Variants in RTL10 observed in about 807,000 individuals in gnomAD.
RTL10 encodes protein Bop.
For missense variants in RTL10, 477 were observed against 470.7 expected (o/e 1.01, Z -0.12); for synonymous variants, 199 against 188.4 (o/e 1.06, Z -0.46).
rs185475604 is a variant in RTL10 at position 19,848,714 on chromosome 22, C to A, written c.*2453G>T. On this transcript the variant is annotated 3_prime_UTR_variant, in exon 3 of 3. Transcript: ENST00000328554. ...GCTGCATGACTGGCCCTCAGACACA[C>A]GGCAGACCATAACTCACACACCCCC... The A allele has an allele frequency of 5.1e-6, 5 of 985,358 alleles. No individual in the cohort carries two copies. Among genetic ancestry groups the A allele is most frequent in the Non-Finnish European group, 6.0e-6 (5 of 829,984 alleles). 61.0% of individuals were successfully genotyped at this position (985,358 alleles called of 1,614,324 possible).
intron 2 of RTL10, among the ~76,000 whole-genome samples, chr22:19,853,549 G>C (rs1371193633): frequency 6.6e-6 from 1 of 152,134 alleles, no homozygotes; most frequent in African/African-American, 2.4e-5. Context: ...GGGAGCACAA[G>C]GCCTGCACAC....
In RTL10 at chr22:19,849,375, T is replaced by G. The variant is rs1030366447; in HGVS notation, c.*1792A>C. 6.9e-5 allele frequency: 60 copies of G among 870,410 alleles called. No individual in the cohort carries two copies. The highest frequency in any genetic ancestry group is 1.3e-4 in the East Asian group (1 of 7,730). 53.9% of individuals were successfully genotyped at this position (870,410 alleles called of 1,614,324 possible). Reference sequence around the variant, plus strand: ...AATAAGGTTTTTGTTTTTTGTTGTTTTTTTTTTTTTGGGATGGAGTTTCAC... The same window carrying G: ...AATAAGGTTTTTGTTTTTTGTTGTTGTTTTTTTTTTGGGATGGAGTTTCAC... On this transcript the variant is annotated 3_prime_UTR_variant, in exon 3 of 3. Transcript: ENST00000328554.
chr22:19,852,207 C>T lies in RTL10; in HGVS notation c.55G>A (p.Ala19Thr), dbSNP rs577471636. ...CATGGATGTGCGTTGGCATAATTGG[C>T]GGCTGCCCAGATGGGAATGCGAGGG... ...QGPRIPIWAA[A>T]NYANAHPWQQ... Residue 19 changes from alanine (A) to threonine (T), a missense_variant, in exon 3 of 3, where the codon GCC becomes ACC. Physicochemically the swap from Ala to Thr is moderately conservative, Grantham distance 58. Coordinates refer to ENST00000328554, the MANE Select transcript of RTL10 (RefSeq NM_024627.6). 50 of 1,613,472 alleles carry T rather than the reference C, an allele frequency of 3.1e-5. No individual in the cohort carries two copies. The highest frequency in any genetic ancestry group is 3.8e-5 in the Non-Finnish European group (45 of 1,179,942).
chr22:19,847,080 G>A lies in RTL10; in HGVS notation c.*4087C>T. ...TCCTATGGAACTCAGGTGTGGCTCT[G>A]TGGCTTCCTTTGGCCACAGAAATGG... is the stretch of plus-strand genomic sequence containing the variant. On this transcript the variant is annotated 3_prime_UTR_variant, in exon 3 of 3. Coordinates refer to ENST00000328554, the MANE Select transcript of RTL10 (RefSeq NM_024627.6). 1.0e-6 allele frequency: 1 copy of A among 985,444 alleles called. No individual in the cohort carries two copies. The highest frequency in any genetic ancestry group is 1.2e-6 in the Non-Finnish European group (1 of 829,944). The allele number at this position is 985,444 out of a possible 1,614,324, so 61.0% of individuals were successfully genotyped here.
rs576724385 is a variant in RTL10 at position 19,846,787 on chromosome 22, C to G, written c.*4380G>C. Reference sequence around the variant, plus strand: ...AGATGGCTATCTGCAGGCCAAGGAGCGAGGCCTCAGGAGAAACCAACCCTG... The same window carrying G: ...AGATGGCTATCTGCAGGCCAAGGAGGGAGGCCTCAGGAGAAACCAACCCTG... On this transcript the variant is annotated 3_prime_UTR_variant, in exon 3 of 3. Coordinates refer to ENST00000328554, the MANE Select transcript of RTL10 (RefSeq NM_024627.6). 2.2e-6 allele frequency: 1 copy of G among 448,908 alleles called. No individual in the cohort carries two copies. The highest frequency in any genetic ancestry group is 9.4e-5 in the South Asian group (1 of 10,680). The allele number at this position is 448,908 out of a possible 1,614,324, so 27.8% of individuals were successfully genotyped here. A position where few individuals can be genotyped will look rare whatever the true frequency, so the allele number is the denominator to read the frequency against.
rs1362934716 is a variant in RTL10, at chr22:19,852,233, C to T, written c.29G>A (p.Gly10Asp). The change falls in exon 3 of 3, where the codon GGC (glycine) becomes GAC (aspartate). Residue 10 changes from glycine to aspartate, a missense_variant. Gly to Asp is a moderately conservative substitution (Grantham distance 94). Coordinates refer to ENST00000328554, the MANE Select transcript of RTL10 (RefSeq NM_024627.6). ...GGCTGCCCAGATGGGAATGCGAGGG[C>T]CCTGCTGACGGCACCGGCCACGAGG... Reference protein sequence around the residue: MPRGRCRQQGPRIPIWAAAN... With the variant: MPRGRCRQQDPRIPIWAAAN... The T allele has an allele frequency of 6.2e-7, 1 of 1,611,032 alleles. No individual in the cohort carries two copies. Among genetic ancestry groups the T allele is most frequent in the South Asian group, 1.1e-5 (1 of 90,772 alleles).
Position 19,847,756 on chromosome 22 carries a change from C to T in RTL10, c.*3411G>A, listed in dbSNP as rs1235142319. 1.0e-6 allele frequency: 1 copy of T among 962,532 alleles called. No individual in the cohort carries two copies. Among genetic ancestry groups the T allele is most frequent in the Non-Finnish European group, 1.2e-6 (1 of 817,692 alleles). 59.6% of individuals were successfully genotyped at this position (962,532 alleles called of 1,614,324 possible). On this transcript the variant is annotated 3_prime_UTR_variant, in exon 3 of 3. Transcript: ENST00000328554. ...TATGAGAAGGTCCACTTCTCCATAC[C>T]TCCACAACTCTGGGCATCTAAAACT...
chr22:19,851,092 T>G lies in RTL10; in HGVS notation c.*75A>C. 1 of 1,490,020 alleles carries G rather than the reference T, an allele frequency of 6.7e-7. No homozygotes were observed. Among genetic ancestry groups the G allele is most frequent in the Non-Finnish European group, 8.9e-7 (1 of 1,118,420 alleles). 92.3% of individuals were successfully genotyped at this position (1,490,020 alleles called of 1,614,324 possible). A position where few individuals can be genotyped will look rare whatever the true frequency, so the allele number is the denominator to read the frequency against. On this transcript the variant is annotated 3_prime_UTR_variant, in exon 3 of 3. Coordinates refer to ENST00000328554, the MANE Select transcript of RTL10 (RefSeq NM_024627.6). ...TCTGGGGACACCACTCTGCTCTGACTGGGGACTATGGGGCGCTCAAGCCAC... is the reference window on the plus strand; with the variant it reads ...TCTGGGGACACCACTCTGCTCTGACGGGGGACTATGGGGCGCTCAAGCCAC...
chr22:19,851,758 G>A lies in RTL10; in HGVS notation c.504C>T (p.Tyr168=), dbSNP rs148672676. The A allele has an allele frequency of 1.3e-3, 2,065 of 1,610,618 alleles. 4 individuals carry two copies. The highest frequency in any genetic ancestry group is 3.1e-3 in the South Asian group (282 of 91,000). Residue 168 remains tyrosine, a synonymous_variant, in exon 3 of 3, where the codon TAC becomes TAT. Transcript: ENST00000328554. The part of the protein sequence containing the change: ...LDGDLPLPDD[Y]ELFCQDLKEV... The stretch of plus-strand genomic sequence containing the variant: ...CCTTGAGATCCTGGCAGAAGAGCTC[G>A]TAATCGTCAGGCAGGGGCAGGTCCC...
Position 19,850,281 on chromosome 22 carries a change from C to T in RTL10, c.*886G>A. ...TAATGAGCACCAATTGTGTACCAGG[C>T]CACAGAGCTGACTAAGACAGAGCCC... On this transcript the variant is annotated 3_prime_UTR_variant, in exon 3 of 3. Transcript: ENST00000328554. 4 of 983,210 alleles carry T rather than the reference C, an allele frequency of 4.1e-6. No homozygotes were observed. Among genetic ancestry groups the T allele is most frequent in the Non-Finnish European group, 4.8e-6 (4 of 827,832 alleles). The allele number at this position is 983,210 out of a possible 1,614,324, so 60.9% of individuals were successfully genotyped here.
chr22:19,853,161 G>A (rs1389464975), intron 2 of RTL10, among the ~76,000 whole-genome samples: 1 of 151,946 alleles, frequency 6.6e-6, no homozygotes, highest in Non-Finnish European at 1.5e-5. Flanking sequence ...TGCAGGCAAT[G>A]CCACCCCCAC....
At position 19,848,013 on chromosome 22, in the gene RTL10, ATTT is replaced by A; in HGVS notation, c.*3151_*3153del. 4 of 985,198 alleles carry A rather than the reference ATTT, an allele frequency of 4.1e-6. No homozygotes were observed. The highest frequency in any genetic ancestry group is 4.8e-6 in the Non-Finnish European group (4 of 829,784). 61.0% of individuals were successfully genotyped at this position (985,198 alleles called of 1,614,324 possible). A position where few individuals can be genotyped will look rare whatever the true frequency, so the allele number is the denominator to read the frequency against. On this transcript the variant is annotated 3_prime_UTR_variant, in exon 3 of 3. Transcript: ENST00000328554. ...CCTCTAGCCTGTACTAAATTTCCATATTTATTTGGCCCGTTTCAAAGTCCTCTA... is the reference window on the plus strand; with the variant it reads ...CCTCTAGCCTGTACTAAATTTCCATAATTTGGCCCGTTTCAAAGTCCTCTA...
Position 19,849,196 on chromosome 22 carries a change from T to A in RTL10, c.*1971A>T, listed in dbSNP as rs1938034849. 1 of 985,308 alleles carries A rather than the reference T, an allele frequency of 1.0e-6. No homozygotes were observed. The highest frequency in any genetic ancestry group is 1.7e-5 in the African/African-American group (1 of 57,248). The allele number at this position is 985,308 out of a possible 1,614,324, so 61.0% of individuals were successfully genotyped here. A position where few individuals can be genotyped will look rare whatever the true frequency, so the allele number is the denominator to read the frequency against. On this transcript the variant is annotated 3_prime_UTR_variant, in exon 3 of 3. Transcript: ENST00000328554. The stretch of plus-strand genomic sequence containing the variant: ...TGCTACCAGGGCTATACCTGCTTTC[T>A]AAAAATAGCTTCCCACCTATTTCCA...
chr22:19,851,799 C>T lies in RTL10; in HGVS notation c.463G>A (p.Ala155Thr), dbSNP rs139151286. ...GGCAGGTCCCCATCAAGGTAGGGGG[C>T]TGCCCAGGCCTGGGCTCGGCCTGTT... The part of the protein sequence containing the change: ...RLTGRAQAWA[A>T]PYLDGDLPLP... The change falls in exon 3 of 3, where the codon GCC (alanine) becomes ACC (threonine). Residue 155 changes from alanine (A) to threonine (T), a missense_variant. Coordinates refer to ENST00000328554, the MANE Select transcript of RTL10 (RefSeq NM_024627.6). The T allele has an allele frequency of 3.7e-6, 6 of 1,613,898 alleles. No individual in the cohort carries two copies. In the African/African-American group the frequency reaches 8.0e-5, roughly 22 times the overall value.
Position 19,850,391 on chromosome 22 carries a change from G to A in RTL10, c.*776C>T, listed in dbSNP as rs144358357. ...TAAGTGCTGAATCCGCAATGCATGC[G>A]AGTGCGGAGTGAGCAGGGGATGGCA... is the stretch of plus-strand genomic sequence containing the variant. On this transcript the variant is annotated 3_prime_UTR_variant, in exon 3 of 3. Coordinates refer to ENST00000328554, the MANE Select transcript of RTL10 (RefSeq NM_024627.6). The A allele has an allele frequency of 3.8e-4, 380 of 988,774 alleles. 1 individual carries two copies. In the African/African-American group the frequency reaches 5.5e-3, roughly 14 times the overall value. The allele number at this position is 988,774 out of a possible 1,614,324, so 61.3% of individuals were successfully genotyped here.
rs1457721679 is a variant in RTL10 at position 19,851,352 on chromosome 22, A to G, written c.910T>C (p.Ser304Pro). Residue 304 changes from serine to proline, a missense_variant, in exon 3 of 3, where the codon TCG becomes CCG. Transcript: ENST00000328554. ...TGGGCAGGAGGATTAGCTGACTCCG[A>G]CAGTCTAGGGACAGGTGTGGGGGCT... ...EAAPTPVPRL[S>P]ESANPPAQRP... 1 of 1,614,132 alleles carries G rather than the reference A, an allele frequency of 6.2e-7. No individual in the cohort carries two copies. The highest frequency in any genetic ancestry group is 8.5e-7 in the Non-Finnish European group (1 of 1,180,016).
In RTL10 at chr22:19,846,595, T is replaced by G; in HGVS notation, c.*4572A>C. 1 of 979,612 alleles carries G rather than the reference T, an allele frequency of 1.0e-6. No individual in the cohort carries two copies. The highest frequency in any genetic ancestry group is 1.2e-6 in the Non-Finnish European group (1 of 824,626). The allele number at this position is 979,612 out of a possible 1,614,324, so 60.7% of individuals were successfully genotyped here. A position where few individuals can be genotyped will look rare whatever the true frequency, so the allele number is the denominator to read the frequency against. On this transcript the variant is annotated 3_prime_UTR_variant, in exon 3 of 3. Coordinates refer to ENST00000328554, the MANE Select transcript of RTL10 (RefSeq NM_024627.6). Reference sequence around the variant, plus strand: ...CCGCTGTGGGCAGAACTATGTCCCTTCAATATTTTTATGTTCAAGTCCTAA... The same window carrying G: ...CCGCTGTGGGCAGAACTATGTCCCTGCAATATTTTTATGTTCAAGTCCTAA...
rs1938099901 is a variant in RTL10 at position 19,851,570 on chromosome 22, G to A, written c.692C>T (p.Pro231Leu). ...GGCCATGGCGGCTGGTAAAGACCTG[G>A]GGGCAGTACCCATGTCGAGTGCCAG... ...EGLALDMGTAPRSLPAAMATP... is the reference protein window; with the variant it reads ...EGLALDMGTALRSLPAAMATP... The change falls in exon 3 of 3, where the codon CCC (proline) becomes CTC (leucine). Residue 231 changes from proline to leucine, a missense_variant. Physicochemically the swap from Pro to Leu is moderately conservative, Grantham distance 98. Coordinates refer to ENST00000328554, the MANE Select transcript of RTL10 (RefSeq NM_024627.6). The A allele has an allele frequency of 1.2e-6, 2 of 1,609,656 alleles. No homozygotes were observed. The highest frequency in any genetic ancestry group is 1.7e-6 in the Non-Finnish European group (2 of 1,176,742).
chr22:19,851,434 A>G lies in RTL10; in HGVS notation c.828T>C (p.Ser276=). ...CAGGACCAGGCTTGGAGCTACATGT[A>G]GAACTGGGCAGGACTGGGGGCTCCT... ...GPKEPPVLPS[S]TCSSKPGPVE... The change falls in exon 3 of 3, where the codon TCT becomes TCC. Residue 276 remains serine, a synonymous_variant. Coordinates refer to ENST00000328554, the MANE Select transcript of RTL10 (RefSeq NM_024627.6). 6.2e-7 allele frequency: 1 copy of G among 1,614,068 alleles called. No homozygotes were observed. The highest frequency in any genetic ancestry group is 1.6e-4 in the Middle Eastern group (1 of 6,062).
Sources: allele counts gnomAD v4.1 joint callset (sites outside exome capture counted in the v4.1 genomes callset), GRCh38; gene constraint gnomAD v4.1.1; transcripts MANE v1.5; gene names NCBI Gene and HGNC (gene_info 2026-07-23, HGNC 2026-07-21).